Variants in ACSM6 observed in about 807,000 individuals in gnomAD.
ACSM6 encodes the protein acyl-coenzyme A synthetase ACSM6, mitochondrial.
In ACSM6, 35 loss-of-function variants were observed where a neutral mutation model predicts 51.1. That is an observed-to-expected ratio of 0.69 (90% confidence interval 0.52 to 0.91). The LOEUF is 0.91. Ranked by LOEUF, ACSM6 falls within the 40% of genes least tolerant of loss-of-function variation. The pLI is 0.00. For synonymous variants in ACSM6, 172 were observed against 207.3 expected (o/e 0.83, Z 1.46); for missense variants, 509 against 584.1 (o/e 0.87, Z 1.32).
intron 2 of ACSM6, 99 bp downstream of exon 2, chr10:95,194,776 A>T: frequency 9.1e-7 from 1 of 1,096,334 alleles, no homozygotes; most frequent in Non-Finnish European, 1.3e-6. Flanking sequence ...GGCTGGCACT[A>T]GAAAGTGCAA....
intron 9 of ACSM6, among the ~76,000 whole-genome samples, chr10:95,222,615 C>A (rs1299046492): frequency 2.0e-5 from 3 of 146,420 alleles, no homozygotes; most frequent in South Asian, 2.2e-4. Context: ...ACAGCAAGAT[C>A]TGTCTCAAAA....
chr10:95,225,537 G>GTAGC, intron 10 of ACSM6, 146 bp downstream of exon 10: 2 of 549,430 alleles, frequency 3.6e-6, no homozygotes, highest in Admixed American at 7.1e-5. Context: ...ATGTTAAATA[G>GTAGC]TAGCACTCAC....
intron 2 of ACSM6, among the ~76,000 whole-genome samples, chr10:95,196,746 C>T (rs1241455024): frequency 6.6e-6 from 1 of 152,146 alleles, no homozygotes; most frequent in African/African-American, 2.4e-5. Context: ...GATGTAGAAA[C>T]AATGCACTGT....
intron 3 of ACSM6, 115 bp downstream of exon 3, chr10:95,202,310 C>A: frequency 1.0e-6 from 1 of 953,910 alleles, no homozygotes; most frequent in Non-Finnish European, 1.6e-6. Flanking sequence ...ATTCTTCCCA[C>A]AGTGTGGGGG....
chr10:95,210,668 G>A, exon 5 of ACSM6: 1 of 1,613,762 alleles, frequency 6.2e-7, no homozygotes, highest in Non-Finnish European at 8.5e-7. Flanking sequence ...CTCCAAAGCA[G>A]ACCTACATGA....
chr10:95,214,755 G>A (rs1434729576), intron 7 of ACSM6, 97 bp from the exon 8 acceptor site: 3 of 1,359,784 alleles, frequency 2.2e-6, no homozygotes, highest in Non-Finnish European at 3.0e-6. Context: ...TTCCTGTATT[G>A]GAATAACTGC....
exon 11 of ACSM6, chr10:95,228,678 A>G: frequency 1.9e-6 from 3 of 1,551,860 alleles, no homozygotes; most frequent in Non-Finnish European, 2.6e-6. Flanking sequence ...GCAAGAGGCC[A>G]CATGCTTTAC....
At chr10:95,221,183 A>G (rs1056711297) in intron 9 of ACSM6, among the ~76,000 whole-genome samples, 6 of 152,246 alleles carry the variant, frequency 3.9e-5, no homozygotes, top group Non-Finnish European at 8.8e-5. Flanking sequence ...GAACTAAGAA[A>G]AACAAATGAG....
intron 9 of ACSM6, among the ~76,000 whole-genome samples, chr10:95,224,024 A>G (rs1456028901): frequency 6.6e-6 from 1 of 152,186 alleles, no homozygotes; most frequent in Non-Finnish European, 1.5e-5. Context: ...ATCAAAAAAT[A>G]AAATTAATAG....
chr10:95,194,814 T>C (rs1365728689), intron 2 of ACSM6, 137 bp downstream of exon 2: 2 of 771,114 alleles, frequency 2.6e-6, no homozygotes, highest in Non-Finnish European at 4.0e-6. Context: ...TATAGCAAAA[T>C]GACTAAGAAC....
At chr10:95,217,256 G>A (rs1212584240) in intron 8 of ACSM6, among the ~76,000 whole-genome samples, 5 of 151,806 alleles carry the variant, frequency 3.3e-5, no homozygotes, top group Non-Finnish European at 7.4e-5. Context: ...GCTGAGGCAG[G>A]AGAATCACCT....
At chr10:95,210,653 T>C in exon 5 of ACSM6, 1 of 1,613,190 alleles carries the variant, frequency 6.2e-7, no homozygotes, top group East Asian at 2.2e-5. Flanking sequence ...CTTACAGAGT[T>C]GCCCCTCCAA....
chr10:95,228,652 G>A lies in ACSM6; in HGVS notation c.1311G>A (p.Trp437Ter). The change falls in exon 11 of 11, where the codon TGG (tryptophan) becomes TGA (stop). Residue 437 changes from tryptophan to a stop codon, truncating the protein, a stop_gained. Coordinates refer to ENST00000341686, the Ensembl canonical transcript of ACSM6. LOFTEE classifies it low-confidence loss of function (END_TRUNC). ...ATTCATCATTCTATCAGGTGAGCTG[G>A]GAGGAATATGCTTCAGCAAGAGGCC... 1 of 1,551,302 alleles carries A rather than the reference G, an allele frequency of 6.4e-7. No individual in the cohort carries two copies. The highest frequency in any genetic ancestry group is 8.7e-7 in the Non-Finnish European group (1 of 1,146,682).
At chr10:95,219,628 G>C (rs916425421) in intron 8 of ACSM6, among the ~76,000 whole-genome samples, 1 of 151,994 alleles carries the variant, frequency 6.6e-6, no homozygotes, top group Non-Finnish European at 1.5e-5. Context: ...CTGAGTTGTT[G>C]GTTCTTTTGA....
At chr10:95,214,144 T>C (rs1477465948) in intron 7 of ACSM6, among the ~76,000 whole-genome samples, 1 of 152,220 alleles carries the variant, frequency 6.6e-6, no homozygotes, top group Non-Finnish European at 1.5e-5. Flanking sequence ...TCTCCAATTT[T>C]GATCTTGCTT....
chr10:95,200,446 A>G (rs2034780542), intron 2 of ACSM6, among the ~76,000 whole-genome samples: 2 of 151,858 alleles, frequency 1.3e-5, no homozygotes, highest in Non-Finnish European at 2.9e-5. Flanking sequence ...ATGTATACAC[A>G]TGTAACAAAC....
intron 4 of ACSM6, among the ~76,000 whole-genome samples, chr10:95,208,531 G>A (rs2034864636): frequency 6.6e-6 from 1 of 152,112 alleles, no homozygotes; most frequent in Non-Finnish European, 1.5e-5. Flanking sequence ...AAAATAGCGA[G>A]ATGATGCCAT....
intron 10 of ACSM6, among the ~76,000 whole-genome samples, chr10:95,226,982 T>C (rs1047645036): frequency 2.1e-5 from 3 of 141,034 alleles, no homozygotes; most frequent in Admixed American, 1.5e-4. Context: ...AAATCTTATA[T>C]GACAACTTTT....
intron 3 of ACSM6, among the ~76,000 whole-genome samples, chr10:95,205,858 G>A (rs2034834517): frequency 6.6e-6 from 1 of 152,082 alleles, no homozygotes; most frequent in African/African-American, 2.4e-5. Context: ...ATGCTAAAGG[G>A]TAACTTGATA....
Sources: allele counts gnomAD v4.1 joint callset (sites outside exome capture counted in the v4.1 genomes callset), GRCh38; gene constraint gnomAD v4.1.1; transcripts MANE v1.5; gene names NCBI Gene and HGNC (gene_info 2026-07-23, HGNC 2026-07-21).